Variants in HERC3 observed in about 807,000 individuals in gnomAD.
The protein encoded by HERC3 is HECT and RLD domain containing E3 ubiquitin protein ligase 3, also known as probable E3 ubiquitin-protein ligase HERC3.
HERC3 carries 58 observed loss-of-function variants against 129.9 expected under a neutral mutation model. The ratio of observed to expected loss-of-function variants is 0.45; its 90% CI spans 0.36 to 0.56. HERC3 has a LOEUF of 0.56. Ranked by LOEUF, HERC3 falls within the 20% of genes least tolerant of loss-of-function variation. The pLI, the probability that HERC3 is intolerant of heterozygous loss-of-function variation, is 0.00. For missense variants in HERC3, 835 were observed against 1,244.2 expected (o/e 0.67, Z 4.95); for synonymous variants, 430 against 451.0 (o/e 0.95, Z 0.59).
At chr4:88,625,272 A>C (rs150608279) in intron 3 of HERC3, among the ~76,000 whole-genome samples, 1 of 152,148 alleles carries the variant, frequency 6.6e-6, no homozygotes, top group Admixed American at 6.5e-5. Context: ...GAATCTGTGG[A>C]TCAATTTGGG....
the HERC3 span, among the ~76,000 whole-genome samples, chr4:88,554,955 T>C: frequency 6.6e-6 from 1 of 152,108 alleles, no homozygotes; most frequent in Admixed American, 6.6e-5. Context: ...AGAAGTAAAC[T>C]AAATAAGAAA....
chr4:88,676,270 A>G, intron 17 of HERC3, 29 bp downstream of exon 17: 1 of 1,574,532 alleles, frequency 6.4e-7, no homozygotes, highest in South Asian at 1.1e-5. Flanking sequence ...ATTTGCTTTT[A>G]TATTTTTCCA....
intron 22 of HERC3, among the ~76,000 whole-genome samples, 166 bp downstream of exon 22, chr4:88,686,968 G>A (rs529135051): frequency 9.2e-5 from 14 of 152,136 alleles, no homozygotes; most frequent in South Asian, 2.1e-4. Flanking sequence ...TTCAGTGGGC[G>A]TGTTGAATAA....
chr4:88,684,255 G>C (rs1481394013), intron 21 of HERC3, among the ~76,000 whole-genome samples: 1 of 152,158 alleles, frequency 6.6e-6, no homozygotes, highest in East Asian at 1.9e-4. Flanking sequence ...CATGGTACTG[G>C]TACCAAAACA....
At chr4:88,690,878 A>G (rs1734007280) in intron 23 of HERC3, among the ~76,000 whole-genome samples, 1 of 152,176 alleles carries the variant, frequency 6.6e-6, no homozygotes, top group Non-Finnish European at 1.5e-5. Context: ...CAGTTGTGGG[A>G]GAAACTGCAG....
chr4:88,603,542 G>A (rs1036792836), intron 2 of HERC3, among the ~76,000 whole-genome samples: 1 of 152,108 alleles, frequency 6.6e-6, no homozygotes, highest in South Asian at 2.1e-4. Flanking sequence ...TTAAATAGGA[G>A]CATCTACTGT....
At chr4:88,624,208 C>T (rs906576781) in intron 3 of HERC3, among the ~76,000 whole-genome samples, 3 of 152,082 alleles carry the variant, frequency 2.0e-5, no homozygotes, top group Admixed American at 6.5e-5. Context: ...TGGGTTGTTT[C>T]GAATAAAACT....
intron 23 of HERC3, among the ~76,000 whole-genome samples, chr4:88,698,815 C>T (rs971370881): frequency 2.0e-5 from 3 of 146,446 alleles, no homozygotes; most frequent in Non-Finnish European, 3.0e-5. Context: ...CCGCCTTCTT[C>T]CCCACTCACT....
At chr4:88,563,005 A>T in the HERC3 span, among the ~76,000 whole-genome samples, 56 of 152,280 alleles carry the variant, frequency 3.7e-4, no homozygotes, top group African/African-American at 1.2e-3. Context: ...GTTCCATATA[A>T]ATGTCAGGAT....
intron 3 of HERC3, among the ~76,000 whole-genome samples, chr4:88,630,690 T>A (rs1726646777): frequency 6.6e-6 from 1 of 152,234 alleles, no homozygotes; most frequent in South Asian, 2.1e-4. Context: ...TCTTAAATTA[T>A]TACCTGGAGG....
the HERC3 span, among the ~76,000 whole-genome samples, chr4:88,534,418 T>TCCTG: frequency 1.1e-3 from 163 of 152,216 alleles, 1 homozygote; most frequent in Non-Finnish European, 1.7e-3. Flanking sequence ...GGCTGAGGAA[T>TCCTG]CCTGCTCTAG....
intron 21 of HERC3, among the ~76,000 whole-genome samples, chr4:88,683,321 C>G (rs1031987924): frequency 5.9e-5 from 9 of 152,052 alleles, no homozygotes; most frequent in Admixed American, 2.0e-4. Flanking sequence ...AGGTACCCTC[C>G]ATAAATGAGA....
intron 3 of HERC3, among the ~76,000 whole-genome samples, chr4:88,618,952 T>C (rs1470259473): frequency 6.6e-6 from 1 of 151,968 alleles, no homozygotes; most frequent in Non-Finnish European, 1.5e-5. Context: ...TCTGGAGACC[T>C]TCTTAGACTG....
intron 3 of HERC3, among the ~76,000 whole-genome samples, chr4:88,621,194 C>T (rs1421159627): frequency 1.3e-5 from 2 of 152,098 alleles, no homozygotes; most frequent in African/African-American, 4.8e-5. Flanking sequence ...GCCACCTCCA[C>T]CTCCTGGGTT....
At chr4:88,563,453 T>C in the HERC3 span, among the ~76,000 whole-genome samples, 1 of 152,170 alleles carries the variant, frequency 6.6e-6, no homozygotes, top group Admixed American at 6.5e-5. Flanking sequence ...CAAATAAGGA[T>C]CATTTGACTT....
At chr4:88,549,313 CT>C in the HERC3 span, among the ~76,000 whole-genome samples, 2 of 139,800 alleles carry the variant, frequency 1.4e-5, no homozygotes, top group Admixed American at 7.0e-5. Context: ...TTAACAGTAA[CT>C]TTTTTTAAAA....
intron 14 of HERC3, 81 bp from the exon 15 acceptor site, chr4:88,669,779 C>G: frequency 8.2e-7 from 1 of 1,226,474 alleles, no homozygotes; most frequent in Non-Finnish European, 1.2e-6. Context: ...CTAGACAAAG[C>G]AATTTTTAAC....
chr4:88,664,318 A>G lies in HERC3; in HGVS notation c.1331+106A>G, dbSNP rs547488600. ...CTTGAGTTTAGGAGTTTGGGGCTTT[A>G]GGATGCTGTGATCATGCCTGTGAAT... On this transcript the variant is annotated intron_variant, in intron 12 of 25. Coordinates refer to ENST00000402738, the MANE Select transcript of HERC3 (RefSeq NM_014606.3). 13 of 885,484 alleles carry G rather than the reference A, an allele frequency of 1.5e-5. No homozygotes were observed. In the African/African-American group the frequency reaches 1.8e-4, roughly 13 times the overall value. The allele number at this position is 885,484 out of a possible 1,614,324, so 54.9% of individuals were successfully genotyped here. A position where few individuals can be genotyped will look rare whatever the true frequency, so the allele number is the denominator to read the frequency against.
the HERC3 span, among the ~76,000 whole-genome samples, chr4:88,569,094 GA>G: frequency 6.6e-6 from 1 of 152,274 alleles, no homozygotes; most frequent in South Asian, 2.1e-4. Flanking sequence ...TAAGACCTCA[GA>G]GCACTTTAGC....
Sources: allele counts gnomAD v4.1 joint callset (sites outside exome capture counted in the v4.1 genomes callset), GRCh38; gene constraint gnomAD v4.1.1; transcripts MANE v1.5; gene names NCBI Gene and HGNC (gene_info 2026-07-23, HGNC 2026-07-21).